Variants in ZFR observed in about 807,000 individuals in gnomAD.
The protein encoded by ZFR is zinc finger RNA-binding protein.
ZFR carries 19 observed loss-of-function variants against 130.7 expected under a neutral mutation model. The observed-to-expected ratio is 0.15, with a 90% confidence interval of 0.10 to 0.21. The LOEUF (loss-of-function observed/expected upper bound fraction) is 0.21. Ranked by LOEUF, ZFR falls within the 10% of genes least tolerant of loss-of-function variation. ZFR has a pLI of 1.00. For missense variants in ZFR, 872 were observed against 1,321.5 expected, an observed-to-expected ratio of 0.66 and a Z score of 5.27; for synonymous variants, 466 against 456.9, an observed-to-expected ratio of 1.02 and a Z score of -0.25.
intron 5 of ZFR, among the ~76,000 whole-genome samples, chr5:32,413,378 C>A (rs1038242605): frequency 2.0e-5 from 3 of 152,104 alleles, no homozygotes; most frequent in African/African-American, 7.2e-5. Flanking sequence ...TTTTTATAAA[C>A]CGTATTTACA....
chr5:32,382,809 A>G (rs1047833198), intron 15 of ZFR, among the ~76,000 whole-genome samples: 3 of 152,180 alleles, frequency 2.0e-5, no homozygotes, highest in Admixed American at 6.5e-5. Flanking sequence ...AATTACAGCT[A>G]TAAGTAGAAA....
In ZFR at chr5:32,444,691, C is replaced by G. The variant is rs375763381; in HGVS notation, c.-33G>C. ...GGCTGCTGCTGCTGAACTCTGAACT[C>G]TCACCCGCTGCCTCCCTCCTCTGCC... On this transcript the variant is annotated 5_prime_UTR_variant, in exon 1 of 20. Transcript: ENST00000265069. 4.4e-5 allele frequency: 66 copies of G among 1,503,678 alleles called. No individual in the cohort carries two copies. The highest frequency in any genetic ancestry group is 5.4e-5 in the Non-Finnish European group (61 of 1,126,248). 93.1% of individuals were successfully genotyped at this position (1,503,678 alleles called of 1,614,324 possible).
Position 32,444,246 on chromosome 5 carries a change from C to A in ZFR, c.120G>T (p.Ala40=). The part of the protein sequence containing the change: ...GFTHSGAAAA[A]AAAQYSQQPA... ...GCCGTTACCTATATTGGGCCGCAGC[C>A]GCCGCCGCCGCCGCCCCGCTGTGGG... The change falls in exon 2 of 20, where the codon GCG becomes GCT. Residue 40 remains alanine, a synonymous_variant. Coordinates refer to ENST00000265069, the MANE Select transcript of ZFR (RefSeq NM_016107.5). 3 of 1,549,758 alleles carry A rather than the reference C, an allele frequency of 1.9e-6. No homozygotes were observed. Among genetic ancestry groups the A allele is most frequent in the Admixed American group, 1.9e-5 (1 of 51,430 alleles).
Position 32,404,100 on chromosome 5 carries a change from G to T in ZFR, c.1033-3C>A. 1 of 1,579,162 alleles carries T rather than the reference G, an allele frequency of 6.3e-7. No individual in the cohort carries two copies. Among genetic ancestry groups the T allele is most frequent in the Non-Finnish European group, 8.6e-7 (1 of 1,167,280 alleles). ...CCTTCTAAATGTTCTTTATAAGTCT[G>T]TTTCAAATAAAAAGGAAACATTTTG... On this transcript the variant is annotated splice_region_variant and splice_polypyrimidine_tract_variant and intron_variant, in intron 6 of 19. Transcript: ENST00000265069.
At chr5:32,413,246 A>T (rs1293873514) in intron 5 of ZFR, among the ~76,000 whole-genome samples, 1 of 152,008 alleles carries the variant, frequency 6.6e-6, no homozygotes, top group Non-Finnish European at 1.5e-5. Flanking sequence ...AACAAAAAAA[A>T]CCTGATATAA....
rs187730793 is a variant in ZFR at position 32,424,161 on chromosome 5, G to C, written c.138-4058C>G. 4.7e-4 allele frequency among the ~76,000 whole-genome samples: 72 copies of C among 152,312 alleles called. 1 individual carries two copies. Among genetic ancestry groups the C allele is most frequent in the Admixed American group, 8.5e-4 (13 of 15,300 alleles). On this transcript the variant is annotated intron_variant, in intron 2 of 19. Transcript: ENST00000265069. ...TTAGGGGAAGGACAGAAGCCTCTCA[G>C]AGAAAGATATCCAGAAAAACAGAGG...
intron 6 of ZFR, among the ~76,000 whole-genome samples, chr5:32,405,119 C>T (rs1487891446): frequency 2.0e-5 from 3 of 152,180 alleles, no homozygotes; most frequent in African/African-American, 7.2e-5. Context: ...GTTCATCATA[C>T]AATTCAGAGC....
At chr5:32,361,380 G>A (rs995500026) in intron 19 of ZFR, among the ~76,000 whole-genome samples, 3 of 152,096 alleles carry the variant, frequency 2.0e-5, no homozygotes, top group Non-Finnish European at 4.4e-5. Context: ...TGCCAGTACC[G>A]TTTCTCTACT....
chr5:32,434,297 G>A (rs1754285798), intron 2 of ZFR, among the ~76,000 whole-genome samples: 1 of 152,172 alleles, frequency 6.6e-6, no homozygotes, highest in African/African-American at 2.4e-5. Flanking sequence ...TGTAGCCTGA[G>A]ATTTTCTGCT....
intron 3 of ZFR, among the ~76,000 whole-genome samples, chr5:32,419,332 T>C (rs1018908034): frequency 2.0e-5 from 3 of 152,026 alleles, no homozygotes; most frequent in Non-Finnish European, 2.9e-5. Flanking sequence ...ACAAAGCTCA[T>C]TGCAAGGAAT....
At chr5:32,403,514 C>CTATA in intron 7 of ZFR, 117 bp from the exon 8 acceptor site, 1 of 1,343,544 alleles carries the variant, frequency 7.4e-7, no homozygotes, top group Non-Finnish European at 1.0e-6. Flanking sequence ...ATTTTTTCTG[C>CTATA]TATATGTTTT....
At position 32,415,515 on chromosome 5, in the gene ZFR, T is replaced by TGTGTGTGTGCGCGC. The variant is rs1326041688; in HGVS notation, c.566-329_566-328insGCGCGCACACACAC. Among the ~76,000 whole-genome samples, 5 of 97,934 alleles carry TGTGTGTGTGCGCGC rather than the reference T, an allele frequency of 5.1e-5. No homozygotes were observed. In the East Asian group the frequency reaches 9.9e-4, roughly 19 times the overall value. The allele number at this position is 97,934 out of a possible 152,430, so 64.2% of individuals were successfully genotyped here. On this transcript the variant is annotated intron_variant, in intron 4 of 19. Transcript: ENST00000265069. ...GTGTGTGTGTGTGTGTGTGTGTGTG[T>TGTGTGTGTGCGCGC]GCGCGCGCGCGCGCGCGCACTAGTC...
At chr5:32,356,689 G>A (rs893561976) in intron 19 of ZFR, among the ~76,000 whole-genome samples, 2 of 152,140 alleles carry the variant, frequency 1.3e-5, no homozygotes, top group African/African-American at 4.8e-5. Context: ...AAAGTTCTGG[G>A]ATTACAGGCG....
chr5:32,407,017 C>A lies in ZFR; in HGVS notation c.789G>T (p.Thr263=). 2 of 1,491,878 alleles carry A rather than the reference C, an allele frequency of 1.3e-6. No individual in the cohort carries two copies. Among genetic ancestry groups the A allele is most frequent in the African/African-American group, 1.4e-5 (1 of 70,198 alleles). The allele number at this position is 1,491,878 out of a possible 1,614,324, so 92.4% of individuals were successfully genotyped here. ...CTGCTGCTTCATAACCTGAATAAGA[C>A]GTACCTTACAAATAAAAATCAAACA... ...YSTTAVTYSG[T]SYSGYEAAVY... The change falls in exon 6 of 20, where the codon ACG becomes ACT. Residue 263 remains threonine (T), a synonymous_variant. Transcript: ENST00000265069.
At position 32,400,008 on chromosome 5, in the gene ZFR, T is replaced by A; in HGVS notation, c.1712A>T (p.Glu571Val). ...CAATGGTATTCTCAAATCAATTACC[T>A]CTTCCACATAATCATGGCCCACTGG... Reference protein sequence around the residue: ...VQPVGHDYVEEVRNDEGKVIR... With the variant: ...VQPVGHDYVEVVRNDEGKVIR... The change falls in exon 9 of 20, where the codon GAG (glutamate) becomes GTG (valine). Residue 571 changes from glutamate (E) to valine (V), a missense_variant and splice_region_variant. By Grantham distance (121) the Glu-to-Val change is moderately radical (BLOSUM62 -2). Transcript: ENST00000265069. 6.3e-7 allele frequency: 1 copy of A among 1,599,856 alleles called. No homozygotes were observed. Among genetic ancestry groups the A allele is most frequent in the Non-Finnish European group, 8.5e-7 (1 of 1,173,280 alleles).
chr5:32,419,432 G>C lies in ZFR; in HGVS notation c.420+389C>G, dbSNP rs567428777. Among the ~76,000 whole-genome samples, 14 of 152,216 alleles carry C rather than the reference G, an allele frequency of 9.2e-5. No homozygotes were observed. In the East Asian group the frequency reaches 2.7e-3, roughly 29 times the overall value. ...GGCTCACTGCAGCCTCTGCCTCCTG[G>C]ATTCAAGTGATTCTCGTGCCTCAGC... On this transcript the variant is annotated intron_variant, in intron 3 of 19. Transcript: ENST00000265069.
intron 2 of ZFR, among the ~76,000 whole-genome samples, chr5:32,432,672 T>G (rs1447926800): frequency 1.3e-5 from 2 of 152,068 alleles, no homozygotes; most frequent in South Asian, 2.1e-4. Flanking sequence ...CCCATTATCT[T>G]TGCAATGTTA....
At chr5:32,417,488 A>G (rs1753852725) in intron 4 of ZFR, among the ~76,000 whole-genome samples, 160 bp downstream of exon 4, 1 of 152,254 alleles carries the variant, frequency 6.6e-6, no homozygotes, top group Admixed American at 6.5e-5. Flanking sequence ...CATGATTATG[A>G]ATTGTGACTC....
intron 5 of ZFR, among the ~76,000 whole-genome samples, chr5:32,413,433 A>T (rs1414941543): frequency 2.0e-5 from 3 of 152,114 alleles, no homozygotes; most frequent in Non-Finnish European, 4.4e-5. Context: ...CGTGCACTAA[A>T]ATGTTAATGA....
Sources: allele counts gnomAD v4.1 joint callset (sites outside exome capture counted in the v4.1 genomes callset), GRCh38; gene constraint gnomAD v4.1.1; transcripts MANE v1.5; gene names NCBI Gene and HGNC (gene_info 2026-07-23, HGNC 2026-07-21).